The following RASSF4 variants were observed in gnomAD, a reference collection of about 807,000 sequenced individuals.
RASSF4 encodes the protein ras association domain-containing protein 4.
RASSF4 carries 38 observed loss-of-function variants against 41.1 expected under a neutral mutation model. The ratio of observed to expected loss-of-function variants is 0.92; its 90% CI spans 0.71 to 1.21. RASSF4 has a LOEUF of 1.21. Among genes scored for constraint, RASSF4 ranks in the 50% most tolerant of loss-of-function variants. RASSF4 has a pLI of 0.00. For synonymous variants in RASSF4, 179 were observed against 163.4 expected (o/e 1.10, Z -0.73); for missense variants, 414 against 419.4 (o/e 0.99, Z 0.11).
chr10:44,989,988 G>A (rs536661098), intron 8 of RASSF4, among the ~76,000 whole-genome samples: 2 of 152,234 alleles, frequency 1.3e-5, no homozygotes, highest in Admixed American at 6.5e-5. Flanking sequence ...TTTCTAGGTC[G>A]CTCAGTACAT....
chr10:44,963,567 G>A (rs914314972), intron 1 of RASSF4, among the ~76,000 whole-genome samples: 13 of 152,192 alleles, frequency 8.5e-5, no homozygotes, highest in African/African-American at 2.7e-4. Flanking sequence ...TGCCGTCAGC[G>A]TGGCCTGCAC....
intron 1 of RASSF4, among the ~76,000 whole-genome samples, chr10:44,964,334 G>A (rs1383267451): frequency 6.6e-6 from 1 of 152,256 alleles, no homozygotes; most frequent in Non-Finnish European, 1.5e-5. Flanking sequence ...CCTCCAGCCT[G>A]GGAAACAGGC....
At chr10:44,984,753 C>T (rs1347358287) in intron 5 of RASSF4, 60 bp from the exon 6 acceptor site, 3 of 1,584,294 alleles carry the variant, frequency 1.9e-6, no homozygotes, top group African/African-American at 2.7e-5. Context: ...CTCCCGACAG[C>T]AGGCAGTTGC....
At chr10:44,987,626 CTTT>C (rs34115822) in intron 6 of RASSF4, among the ~76,000 whole-genome samples, 61 of 128,224 alleles carry the variant, frequency 4.8e-4, no homozygotes, top group African/African-American at 1.3e-3. Flanking sequence ...AAAATGTGCA[CTTT>C]TTTTTTTTTT....
chr10:44,971,407 G>T, intron 2 of RASSF4: 1 of 453,960 alleles, frequency 2.2e-6, no homozygotes. Context: ...GCTGTACAAT[G>T]CCAAAAGCAA....
In RASSF4 at chr10:44,984,830, G is replaced by C. The variant is rs373613120; in HGVS notation, c.391G>C (p.Glu131Gln). ...TCATGCAGGGCCCCTGGAGGAGGCA[G>C]AGGAGGCCCCCCAGCTGATGCGGAC... ...TDSSGPLEEA[E>Q]EAPQLMRTKS... Residue 131 changes from glutamate to glutamine, a missense_variant, in exon 6 of 11, where the codon GAG becomes CAG. By Grantham distance (29) the Glu-to-Gln change is conservative. Coordinates refer to ENST00000340258, the MANE Select transcript of RASSF4 (RefSeq NM_032023.4). The C allele has an allele frequency of 3.3e-5, 54 of 1,613,560 alleles. No individual in the cohort carries two copies. The highest frequency in any genetic ancestry group is 4.2e-5 in the Non-Finnish European group (50 of 1,179,998).
intron 1 of RASSF4, among the ~76,000 whole-genome samples, chr10:44,969,048 AGT>A (rs887715024): frequency 1.8e-4 from 26 of 147,514 alleles, no homozygotes; most frequent in African/African-American, 5.0e-4. Context: ...GTTAAGTGTG[AGT>A]GTGTGTGTTG....
Position 44,991,911 on chromosome 10 carries a change from C to G in RASSF4, c.814C>G (p.Gln272Glu). 6.2e-7 allele frequency: 1 copy of G among 1,606,788 alleles called. No individual in the cohort carries two copies. Among genetic ancestry groups the G allele is most frequent in the Non-Finnish European group, 8.5e-7 (1 of 1,174,474 alleles). Residue 272 changes from glutamine (Q) to glutamate (E), a missense_variant, in exon 10 of 11, where the codon CAG becomes GAG. By Grantham distance (29) the Gln-to-Glu change is conservative (BLOSUM62 2). Transcript: ENST00000340258. ...ATGTTCTTGGATTTTCTAGGTCGCT[C>G]AGTACATTAAGTTTGAAATGCCGGT... ...LGVEVPHEVA[Q>E]YIKFEMPVLD...
At chr10:44,963,085 G>C (rs79986964) in intron 1 of RASSF4, among the ~76,000 whole-genome samples, 1 of 152,160 alleles carries the variant, frequency 6.6e-6, no homozygotes, top group South Asian at 2.1e-4. Context: ...AGGGCAAGGC[G>C]GGAGTGGAGG....
chr10:44,960,558 G>GTCCCATCCTGCACT (rs895718456), intron 1 of RASSF4, among the ~76,000 whole-genome samples: 3 of 152,182 alleles, frequency 2.0e-5, no homozygotes, highest in African/African-American at 7.2e-5. Context: ...CCTGACTCCG[G>GTCCCATCCTGCACT]TCCCATCCTG....
intron 3 of RASSF4, among the ~76,000 whole-genome samples, chr10:44,979,420 G>C (rs1325775473): frequency 6.6e-6 from 1 of 152,194 alleles, no homozygotes; most frequent in African/African-American, 2.4e-5. Context: ...AGCGGACAAA[G>C]GTGTGGCCCC....
At position 44,970,277 on chromosome 10, in the gene RASSF4, G is replaced by A. The variant is rs1841095378; in HGVS notation, c.62+13G>A. The stretch of plus-strand genomic sequence containing the variant: ...AGTCCATTCAGAAGTAAGCCTTGGT[G>A]TGCAGGTTGGGCGGGGGAGTCTTCA... On this transcript the variant is annotated intron_variant, in intron 2 of 10. Transcript: ENST00000340258. The A allele has an allele frequency of 6.2e-7, 1 of 1,612,294 alleles. No homozygotes were observed.
In RASSF4 at chr10:44,967,448, G is replaced by A. The variant is rs61608392; in HGVS notation, c.-38-2717G>A. Among the ~76,000 whole-genome samples the A allele has an allele frequency of 4.2e-3, 641 of 152,326 alleles. 5 individuals carry two copies. Among genetic ancestry groups the A allele is most frequent in the African/African-American group, 0.015 (611 of 41,560 alleles). On this transcript the variant is annotated intron_variant, in intron 1 of 10. Coordinates refer to ENST00000340258, the MANE Select transcript of RASSF4 (RefSeq NM_032023.4). ...GCCTCTGCCAGCCAGCCACCTTTCAGTAGTGAAATATAGCCCAGAAAAATC... is the reference window on the plus strand; with the variant it reads ...GCCTCTGCCAGCCAGCCACCTTTCAATAGTGAAATATAGCCCAGAAAAATC...
Position 44,990,891 on chromosome 10 carries a change from AACAG to A in RASSF4, c.686-51_686-48del, listed in dbSNP as rs144811930. 1,574 of 1,571,468 alleles carry A rather than the reference AACAG, an allele frequency of 1.0e-3. 21 individuals carry two copies. The African/African-American group carries it at 0.019, about 19-fold the overall frequency. On this transcript the variant is annotated intron_variant, in intron 8 of 10. Coordinates refer to ENST00000340258, the MANE Select transcript of RASSF4 (RefSeq NM_032023.4). ...CATTTTCTATCAGTTCCTAATCTGGAACAGACAGAGGTGATCCTAATCTCCCGTG... is the reference window on the plus strand; with the variant it reads ...CATTTTCTATCAGTTCCTAATCTGGAACAGAGGTGATCCTAATCTCCCGTG...
chr10:44,984,709 G>T, intron 5 of RASSF4, 104 bp from the exon 6 acceptor site: 1 of 1,312,292 alleles, frequency 7.6e-7, no homozygotes, highest in Non-Finnish European at 1.1e-6. Flanking sequence ...ATCTGCCCCA[G>T]TGCACGTGAC....
chr10:44,980,531 C>T (rs1169448136), intron 3 of RASSF4, among the ~76,000 whole-genome samples: 1 of 152,162 alleles, frequency 6.6e-6, no homozygotes, highest in Non-Finnish European at 1.5e-5. Flanking sequence ...GCCAGCCTGT[C>T]CCCAGTACAG....
chr10:44,989,438 G>T, intron 7 of RASSF4, 63 bp downstream of exon 7: 1 of 1,238,590 alleles, frequency 8.1e-7, no homozygotes, highest in Non-Finnish European at 1.2e-6. Flanking sequence ...TGTTGGGGGT[G>T]GGGTTCTGGG....
At chr10:44,979,288 G>C (rs1046849264) in intron 3 of RASSF4, among the ~76,000 whole-genome samples, 18 of 152,206 alleles carry the variant, frequency 1.2e-4, no homozygotes, top group African/African-American at 4.3e-4. Flanking sequence ...GGTCTGCGGG[G>C]TCTGACCCTG....
chr10:44,993,405 G>T lies in RASSF4; in HGVS notation c.*76G>T. On this transcript the variant is annotated 3_prime_UTR_variant, in exon 11 of 11. Coordinates refer to ENST00000340258, the MANE Select transcript of RASSF4 (RefSeq NM_032023.4). Reference sequence around the variant, plus strand: ...TGAGCCCTGGTTGCTGGCCCCGGCCGGTCACATTGACTGATGGCCACCGCC... The same window carrying T: ...TGAGCCCTGGTTGCTGGCCCCGGCCTGTCACATTGACTGATGGCCACCGCC... The T allele has an allele frequency of 8.2e-7, 1 of 1,219,630 alleles. No homozygotes were observed. Among genetic ancestry groups the T allele is most frequent in the Admixed American group, 2.0e-5 (1 of 50,596 alleles). 75.6% of individuals were successfully genotyped at this position (1,219,630 alleles called of 1,614,324 possible).
Sources: gnomAD v4.1 joint callset for allele counts (sites outside exome capture counted in the v4.1 genomes callset) on GRCh38, gnomAD v4.1.1 for gene constraint, MANE v1.5 for transcripts, NCBI Gene and HGNC (gene_info 2026-07-23, HGNC 2026-07-21) for gene names.